Variants in PDE10A observed in about 807,000 individuals in gnomAD.
PDE10A encodes the protein cAMP and cAMP-inhibited cGMP 3',5'-cyclic phosphodiesterase 10A.
Under a neutral mutation model 97.7 loss-of-function variants are expected in PDE10A, and 39 were observed. That is an observed-to-expected ratio of 0.40 (90% confidence interval 0.31 to 0.52). The LOEUF (loss-of-function observed/expected upper bound fraction) is 0.52, where lower values mean the gene tolerates loss of function less well. PDE10A is among the 20% of genes least tolerant of loss of function. PDE10A has a pLI of 0.56. For synonymous variants in PDE10A, 371 were observed against 376.8 expected (o/e 0.98, Z 0.18); for missense variants, 731 against 1,047.8 (o/e 0.70, Z 4.17).
At chr6:165,487,350 C>G (rs1253109083) in intron 2 of PDE10A, among the ~76,000 whole-genome samples, 1 of 152,184 alleles carries the variant, frequency 6.6e-6, no homozygotes, top group East Asian at 1.9e-4. Flanking sequence ...GTGTCACTGT[C>G]TCCCGTCACC....
chr6:165,710,963 G>A (rs1791880836), intron 1 of PDE10A, among the ~76,000 whole-genome samples: 1 of 152,240 alleles, frequency 6.6e-6, no homozygotes, highest in Admixed American at 6.5e-5. Context: ...GAGAATGCCA[G>A]GAAGGGCAGA....
intron 1 of PDE10A, among the ~76,000 whole-genome samples, chr6:165,910,255 T>C (rs1198379635): frequency 1.3e-5 from 2 of 152,148 alleles, no homozygotes; most frequent in African/African-American, 4.8e-5. Context: ...CTTTCATGAA[T>C]AGGATGCTAG....
rs149560201 is a variant in PDE10A at position 165,710,547 on chromosome 6, C to A, written c.-614-166979G>T. Among the ~76,000 whole-genome samples the A allele has an allele frequency of 3.7e-3, 569 of 152,280 alleles. 2 individuals carry two copies. Among genetic ancestry groups the A allele is most frequent in the African/African-American group, 0.013 (545 of 41,556 alleles). On this transcript the variant is annotated intron_variant, in intron 1 of 19. Transcript: ENST00000366882. ...TCTACCTTAGAAACAGAGAAAAGCA[C>A]TTTTCGTTTTGTATTTTAGAAAATT...
intron 1 of PDE10A, among the ~76,000 whole-genome samples, chr6:165,625,706 CA>C (rs1788351382): frequency 6.6e-6 from 1 of 152,010 alleles, no homozygotes. Flanking sequence ...AGTTTCCCTG[CA>C]CAAATTCTCT....
intron 1 of PDE10A, among the ~76,000 whole-genome samples, chr6:165,742,379 G>A (rs1792747246): frequency 6.6e-6 from 1 of 151,972 alleles, no homozygotes; most frequent in Admixed American, 6.6e-5. Context: ...ATACAAATGG[G>A]GCACTGCTAT....
intron 1 of PDE10A, among the ~76,000 whole-genome samples, chr6:165,760,185 A>G (rs1047396618): frequency 3.9e-5 from 6 of 152,244 alleles, no homozygotes; most frequent in African/African-American, 7.2e-5. Context: ...TAGAGTTGAT[A>G]CAGCAAAAGT....
Position 165,388,297 on chromosome 6 carries a change from C to T in PDE10A, c.2610+1G>A. The T allele has an allele frequency of 6.2e-7, 1 of 1,613,860 alleles. No homozygotes were observed. The highest frequency in any genetic ancestry group is 1.1e-5 in the South Asian group (1 of 91,062). ...GCGAGAGACGGCGTGCAGTGACTCACCTGGAGGATGGACACAGTCTGGGAG... is the reference window on the plus strand; with the variant it reads ...GCGAGAGACGGCGTGCAGTGACTCATCTGGAGGATGGACACAGTCTGGGAG... On this transcript the variant is annotated splice_donor_variant, in intron 17 of 21. Coordinates refer to ENST00000539869, the MANE Select transcript of PDE10A (RefSeq NM_001385079.1). LOFTEE classifies it high-confidence loss of function. The surrounding 1 kb of genome is among the most constrained non-coding windows in gnomAD (Gnocchi z 4.0).
intron 1 of PDE10A, among the ~76,000 whole-genome samples, chr6:165,908,209 G>A (rs1190168260): frequency 1.3e-5 from 2 of 152,170 alleles, no homozygotes; most frequent in Non-Finnish European, 2.9e-5. Context: ...GGAAGGAGTC[G>A]GGCTCTGTCC....
intron 1 of PDE10A, chr6:165,949,042 G>A (rs1324297496): frequency 6.6e-6 from 1 of 152,220 alleles, no homozygotes; most frequent in East Asian, 1.9e-4. Flanking sequence ...AATAATCTGA[G>A]TTTTGAGTTG....
chr6:165,928,385 C>T (rs1025258644), intron 1 of PDE10A, among the ~76,000 whole-genome samples: 1 of 152,150 alleles, frequency 6.6e-6, no homozygotes, highest in Non-Finnish European at 1.5e-5. Context: ...GTCAGTCTTA[C>T]GTGGTTTCTG....
At chr6:165,732,225 A>G (rs1235102249) in intron 1 of PDE10A, among the ~76,000 whole-genome samples, 1 of 152,196 alleles carries the variant, frequency 6.6e-6, no homozygotes, top group Non-Finnish European at 1.5e-5. Flanking sequence ...GCTTTTCCAC[A>G]CAGGATTTTT....
At chr6:165,600,296 G>A (rs556970070) in intron 1 of PDE10A, among the ~76,000 whole-genome samples, 3 of 152,342 alleles carry the variant, frequency 2.0e-5, no homozygotes, top group Non-Finnish European at 4.4e-5. Flanking sequence ...GAGAGGGAGA[G>A]TGGCCAGCCA....
chr6:165,439,870 C>G (rs1034835138), intron 5 of PDE10A, among the ~76,000 whole-genome samples: 1 of 152,124 alleles, frequency 6.6e-6, no homozygotes, highest in Non-Finnish European at 1.5e-5. Flanking sequence ...AAAACACCAT[C>G]TTTTAATGAA....
intron 2 of PDE10A, among the ~76,000 whole-genome samples, chr6:165,500,966 A>C (rs1459594881): frequency 6.6e-6 from 1 of 151,978 alleles, no homozygotes; most frequent in African/African-American, 2.4e-5. Context: ...TATTTATGAC[A>C]CAGAGACCTT....
At chr6:165,546,899 C>T (rs964690092) in intron 1 of PDE10A, among the ~76,000 whole-genome samples, 25 of 152,054 alleles carry the variant, frequency 1.6e-4, no homozygotes, top group Non-Finnish European at 1.5e-4. Context: ...TCTCACTTTG[C>T]TATGTTAGCT....
intron 1 of PDE10A, among the ~76,000 whole-genome samples, chr6:165,703,797 C>A (rs889666958): frequency 6.6e-6 from 1 of 152,224 alleles, no homozygotes; most frequent in Non-Finnish European, 1.5e-5. Flanking sequence ...GTCAGTCCCC[C>A]CAGTAATCAG....
intron 1 of PDE10A, among the ~76,000 whole-genome samples, chr6:165,839,989 CCAACT>C (rs1562762805): frequency 1.7e-4 from 16 of 95,426 alleles, no homozygotes; most frequent in South Asian, 3.5e-4. Flanking sequence ...ATCCCCATCT[CCAACT>C]CCATCCCATC....
intron 1 of PDE10A, among the ~76,000 whole-genome samples, chr6:165,835,353 C>A (rs2128471784): frequency 6.6e-6 from 1 of 152,322 alleles, no homozygotes; most frequent in Non-Finnish European, 1.5e-5. Context: ...TCCCAGGCTG[C>A]CCTGGGCCCA....
chr6:165,817,374 G>A (rs763591604), intron 1 of PDE10A, among the ~76,000 whole-genome samples: 13 of 152,118 alleles, frequency 8.5e-5, no homozygotes, highest in South Asian at 2.1e-4. Flanking sequence ...GGGGAGGGCC[G>A]CAGGGTCGGG....
Sources: allele counts gnomAD v4.1 joint callset (sites outside exome capture counted in the v4.1 genomes callset), GRCh38; gene constraint gnomAD v4.1.1; non-coding constraint Gnocchi (gnomAD v3.1); transcripts MANE v1.5; gene names NCBI Gene and HGNC (gene_info 2026-07-23, HGNC 2026-07-21).